COL3A1: variants seen among roughly 807,000 people sequenced by gnomAD.
COL3A1 encodes the protein collagen alpha-1(III) chain.
A neutral mutation model predicts 200.9 loss-of-function variants in COL3A1; 46 were observed. That is an observed-to-expected ratio of 0.23 (90% confidence interval 0.18 to 0.29). The LOEUF (loss-of-function observed/expected upper bound fraction) is 0.29. Among genes scored for constraint, COL3A1 ranks in the 10% least tolerant of loss-of-function variants. The pLI is 1.00. For missense variants in COL3A1, 1,367 were observed against 1,917.6 expected (o/e 0.71, Z 5.36); for synonymous variants, 650 against 628.0 (o/e 1.03, Z -0.52).
intron 26 of COL3A1, 45 bp downstream of exon 26, chr2:188,997,434 TG>T: frequency 6.4e-7 from 1 of 1,568,602 alleles, no homozygotes; most frequent in Non-Finnish European, 8.8e-7. Context: ...AGGGTGGAGG[TG>T]GGGCAGGAAG....
chr2:188,992,457 CACTG>C (rs1688209346), intron 14 of COL3A1, among the ~76,000 whole-genome samples: 1 of 152,048 alleles, frequency 6.6e-6, no homozygotes, highest in Non-Finnish European at 1.5e-5. Context: ...TTAAAACTGA[CACTG>C]AGCCCATAAA....
intron 44 of COL3A1, 106 bp downstream of exon 44, chr2:189,007,096 AATATATATATATATATATAT>A (rs36195651): frequency 0.016 from 3,697 of 229,884 alleles, 210 homozygotes; most frequent in African/African-American, 0.035. Flanking sequence ...AAAAAGAATG[AATATATATATATATATATAT>A]ATATATATAT....
In COL3A1 at chr2:188,991,001, T is replaced by C; in HGVS notation, c.799-3T>C. 1 of 1,613,090 alleles carries C rather than the reference T, an allele frequency of 6.2e-7. No homozygotes were observed. The highest frequency in any genetic ancestry group is 8.5e-7 in the Non-Finnish European group (1 of 1,179,288). On this transcript the variant is annotated splice_polypyrimidine_tract_variant and splice_region_variant and intron_variant, in intron 10 of 50. Coordinates refer to ENST00000304636, the MANE Select transcript of COL3A1 (RefSeq NM_000090.4). ...AATTTTGCTGGTTTTATACATTTCC[T>C]AGGGCTTCGATGGACGAAATGGAGA...
At chr2:188,999,211 A>C in intron 29 of COL3A1, 74 bp from the exon 30 acceptor site, 1 of 1,372,422 alleles carries the variant, frequency 7.3e-7, no homozygotes, top group Non-Finnish European at 1.0e-6. Context: ...CCTGATTCAA[A>C]ATGATGCAAG....
Position 188,997,748 on chromosome 2 carries a change from T to A in COL3A1, c.1918T>A (p.Leu640Ile), listed in dbSNP as rs1195342624. 1 of 1,613,738 alleles carries A rather than the reference T, an allele frequency of 6.2e-7. No homozygotes were observed. Among genetic ancestry groups the A allele is most frequent in the Non-Finnish European group, 8.5e-7 (1 of 1,179,748 alleles). ...GDTGPPGPQG[L>I]QGLPGTGGPP... ...CACAGGACCCCCTGGTCCACAAGGA[T>A]TACAAGTAAGAACTTGTTATTTAAA... Residue 640 changes from leucine (L) to isoleucine (I), a missense_variant, in exon 27 of 51, where the codon TTA becomes ATA. Transcript: ENST00000304636.
chr2:188,990,044 A>C (rs1688153260), intron 8 of COL3A1, 52 bp from the exon 9 acceptor site: 1 of 1,528,774 alleles, frequency 6.5e-7, no homozygotes, highest in Admixed American at 1.7e-5. Flanking sequence ...TATTGGCTAC[A>C]ATGTATTTTC....
rs1392930073 is a variant in COL3A1 at position 188,985,742 on chromosome 2, C to A, written c.411C>A (p.Pro137=). The change falls in exon 4 of 51, where the codon CCC becomes CCA. Residue 137 remains proline (P), a synonymous_variant. Transcript: ENST00000304636. ...GQPGSPGSPG[P]PGICESCPTG... ...CAGGGTCCCCTGGTTCTCCTGGCCC[C>A]CCTGGAATCTGTGAATCATGCCCTA... 6.2e-7 allele frequency: 1 copy of A among 1,611,806 alleles called. No homozygotes were observed. The highest frequency in any genetic ancestry group is 8.5e-7 in the Non-Finnish European group (1 of 1,178,874).
rs1055320103 is a variant in COL3A1 at position 189,009,042 on chromosome 2, G to A, written c.3644G>A (p.Gly1215Asp). Residue 1215 changes from glycine (G) to aspartate (D), a missense_variant, in exon 48 of 51, where the codon GGT (glycine) becomes GAT (aspartate). Physicochemically the swap from Gly to Asp is moderately conservative, Grantham distance 94. This residue lies in a region of COL3A1 where 846 missense variants were observed against 1,147.9 expected (regional missense o/e 0.74). Transcript: ENST00000304636. ...IAGIGGEKAG[G>D]FAPYYGDEPM... is the part of the protein sequence containing the mutation. ...GGGATTGGAGGTGAAAAAGCTGGCG[G>A]TTTTGCCCCGTATTATGGAGATGAA... 6.2e-7 allele frequency: 1 copy of A among 1,614,140 alleles called. No homozygotes were observed. Among genetic ancestry groups the A allele is most frequent in the African/African-American group, 1.3e-5 (1 of 75,016 alleles).
At position 188,986,933 on chromosome 2, in the gene COL3A1, C is replaced by A; in HGVS notation, c.448-126C>A. On this transcript the variant is annotated intron_variant, in intron 4 of 50. Coordinates refer to ENST00000304636, the MANE Select transcript of COL3A1 (RefSeq NM_000090.4). The stretch of plus-strand genomic sequence containing the variant: ...AAACAAGATAATTAGTGAATACATA[C>A]CACATCTTTTGGCACACAAAAACCT... The A allele has an allele frequency of 5.1e-6, 4 of 776,952 alleles. No individual in the cohort carries two copies. The Admixed American group carries it at 7.7e-5, about 15-fold the overall frequency. The allele number at this position is 776,952 out of a possible 1,614,324, so 48.1% of individuals were successfully genotyped here. A position where few individuals can be genotyped will look rare whatever the true frequency, so the allele number is the denominator to read the frequency against.
intron 1 of COL3A1, among the ~76,000 whole-genome samples, chr2:188,975,236 T>C (rs539159633): frequency 7.2e-5 from 11 of 152,326 alleles, no homozygotes; most frequent in Admixed American, 4.6e-4. Flanking sequence ...TTCTACGTTT[T>C]AACCACATTC....
rs981313523 is a variant in COL3A1 at position 188,991,948 on chromosome 2, T to A, written c.951+226T>A. Among the ~76,000 whole-genome samples the A allele has an allele frequency of 2.0e-4, 31 of 152,352 alleles. No homozygotes were observed. In the Middle Eastern group the frequency reaches 0.014, roughly 67 times the overall value. ...TTTGTGTTAACTTTTCATATGTCATTTGAGCCATTATATCTGCATTCAGTC... is the reference window on the plus strand; with the variant it reads ...TTTGTGTTAACTTTTCATATGTCATATGAGCCATTATATCTGCATTCAGTC... On this transcript the variant is annotated intron_variant, in intron 13 of 50. Coordinates refer to ENST00000304636, the MANE Select transcript of COL3A1 (RefSeq NM_000090.4).
At chr2:188,975,579 A>G (rs1301748362) in intron 1 of COL3A1, among the ~76,000 whole-genome samples, 1 of 152,204 alleles carries the variant, frequency 6.6e-6, no homozygotes, top group Non-Finnish European at 1.5e-5. Flanking sequence ...AAACATGGTT[A>G]CATTTAAACA....
chr2:188,982,921 C>T (rs367599524), intron 1 of COL3A1, among the ~76,000 whole-genome samples: 5 of 151,656 alleles, frequency 3.3e-5, no homozygotes, highest in African/African-American at 1.2e-4. Flanking sequence ...AACGCCAGTT[C>T]TGTCTAGAGA....
In COL3A1 at chr2:189,003,156, C is replaced by T. The variant is rs3736490; in HGVS notation, c.2553+94C>T. ...CTCCCTCTCTCTCTCCCTCTCCCCC[C>T]TCTGTAAGTCCTAAGTGTTCTAATG... is the stretch of plus-strand genomic sequence containing the variant. On this transcript the variant is annotated intron_variant, in intron 36 of 50. Coordinates refer to ENST00000304636, the MANE Select transcript of COL3A1 (RefSeq NM_000090.4). 0.26 allele frequency: 273,445 copies of T among 1,041,112 alleles called. 37,284 individuals carry two copies. The highest frequency in any genetic ancestry group is 0.39 in the South Asian group (28,255 of 73,138). 64.5% of individuals were successfully genotyped at this position (1,041,112 alleles called of 1,614,324 possible).
intron 48 of COL3A1, 145 bp from the exon 49 acceptor site, chr2:189,010,033 A>G (rs1688685505): frequency 2.7e-6 from 2 of 751,950 alleles, no homozygotes; most frequent in Admixed American, 2.5e-5. Flanking sequence ...CAGCAATTTC[A>G]ATCAAAAAGC....
chr2:188,978,590 T>C (rs1687877861), intron 1 of COL3A1, among the ~76,000 whole-genome samples: 1 of 151,992 alleles, frequency 6.6e-6, no homozygotes, highest in Non-Finnish European at 1.5e-5. Context: ...GTAGATTGCT[T>C]AAAGAATTAA....
At chr2:188,976,047 C>T (rs941823482) in intron 1 of COL3A1, among the ~76,000 whole-genome samples, 4 of 151,788 alleles carry the variant, frequency 2.6e-5, no homozygotes, top group African/African-American at 9.7e-5. Flanking sequence ...ACTCTCAATC[C>T]TTCTTCCTTT....
chr2:188,989,897 A>T (rs529810228), intron 8 of COL3A1, among the ~76,000 whole-genome samples, 199 bp from the exon 9 acceptor site: 11 of 152,242 alleles, frequency 7.2e-5, no homozygotes, highest in Admixed American at 3.9e-4. Context: ...CACCTGCATT[A>T]TCTCTTTATA....
chr2:188,991,461 T>C, intron 11 of COL3A1, 26 bp from the exon 12 acceptor site: 1 of 1,511,502 alleles, frequency 6.6e-7, no homozygotes, highest in African/African-American at 1.4e-5. Flanking sequence ...TTTTGTAAAA[T>C]AGTAACATAT....
Sources: gnomAD v4.1 joint callset for allele counts (sites outside exome capture counted in the v4.1 genomes callset) on GRCh38, gnomAD v4.1.1 for gene constraint, gnomAD v4.1.1 regional missense constraint, MANE v1.5 for transcripts, NCBI Gene and HGNC (gene_info 2026-07-23, HGNC 2026-07-21) for gene names.